CAB39: variants seen among roughly 807,000 people sequenced by gnomAD.
CAB39 encodes the protein calcium binding protein 39, also known as calcium-binding protein 39.
A neutral mutation model predicts 40.0 loss-of-function variants in CAB39; 8 were observed. That is an observed-to-expected ratio of 0.20 (90% CI 0.12 to 0.36). CAB39 has a LOEUF of 0.36. CAB39 is among the 10% of genes least tolerant of loss of function. The pLI is 1.00. For synonymous variants in CAB39, 156 were observed against 141.6 expected (o/e 1.10, Z -0.72); for missense variants, 270 against 401.1 (o/e 0.67, Z 2.79).
intron 1 of CAB39, among the ~76,000 whole-genome samples, chr2:230,752,501 T>G: frequency 6.6e-6 from 1 of 152,230 alleles, no homozygotes; most frequent in Non-Finnish European, 1.5e-5. Context: ...AAATGCCATG[T>G]CTTCACAATG....
At chr2:230,762,814 G>A (rs548471533) in intron 2 of CAB39, among the ~76,000 whole-genome samples, 107 of 152,296 alleles carry the variant, frequency 7.0e-4, no homozygotes, top group African/African-American at 2.4e-3. Context: ...CTGCTCTTTC[G>A]TAGCTTCCGT....
intron 8 of CAB39, 60 bp from the exon 9 acceptor site, chr2:230,818,456 C>T: frequency 7.1e-7 from 1 of 1,411,498 alleles, no homozygotes; most frequent in Admixed American, 1.8e-5. Flanking sequence ...GTGGCCGCAG[C>T]TCAGGTGTGG....
At position 230,820,391 on chromosome 2, in the gene CAB39, A is replaced by G. The variant is rs1031713793; in HGVS notation, c.*1687A>G. The G allele has an allele frequency of 6.6e-6, 1 of 152,218 alleles. No individual in the cohort carries two copies. Among genetic ancestry groups the G allele is most frequent in the Non-Finnish European group, 1.5e-5 (1 of 68,034 alleles). The allele number at this position is 152,218 out of a possible 1,614,324, so 9.4% of individuals were successfully genotyped here. Reference sequence around the variant, plus strand: ...GAAAATATAGATATATTTTATTTTTATTAAAATGGCAGTCTACATCATAAT... The same window carrying G: ...GAAAATATAGATATATTTTATTTTTGTTAAAATGGCAGTCTACATCATAAT... On this transcript the variant is annotated 3_prime_UTR_variant, in exon 9 of 9. Transcript: ENST00000258418.
chr2:230,751,743 A>G (rs560536835), intron 1 of CAB39, among the ~76,000 whole-genome samples: 30 of 152,296 alleles, frequency 2.0e-4, no homozygotes, highest in African/African-American at 6.3e-4. Context: ...GGCCATTTCT[A>G]GTGTCATCTG....
chr2:230,779,961 A>G (rs1695657869), intron 2 of CAB39, among the ~76,000 whole-genome samples: 1 of 152,184 alleles, frequency 6.6e-6, no homozygotes, highest in African/African-American at 2.4e-5. Flanking sequence ...TGACAGGGCA[A>G]AAGAGAATTG....
At chr2:230,817,713 T>A (rs1559621259) in intron 7 of CAB39, 41 bp from the exon 8 acceptor site, 1 of 1,485,784 alleles carries the variant, frequency 6.7e-7, no homozygotes, top group Non-Finnish European at 9.1e-7. Flanking sequence ...GATTTTTCTT[T>A]AAGTTTTAAT....
intron 1 of CAB39, among the ~76,000 whole-genome samples, chr2:230,739,671 T>G (rs1472554620): frequency 6.6e-6 from 1 of 152,216 alleles, no homozygotes; most frequent in Non-Finnish European, 1.5e-5. Context: ...ATTTTGTATT[T>G]TTAGTAGAGA....
At chr2:230,753,950 A>G (rs766430310) in intron 1 of CAB39, among the ~76,000 whole-genome samples, 12 of 152,124 alleles carry the variant, frequency 7.9e-5, no homozygotes, top group Non-Finnish European at 1.8e-4. Flanking sequence ...AACAGTGAAA[A>G]CCCACACACC....
At chr2:230,757,386 C>T (rs928377829) in intron 1 of CAB39, among the ~76,000 whole-genome samples, 19 of 152,218 alleles carry the variant, frequency 1.2e-4, no homozygotes, top group African/African-American at 4.6e-4. Context: ...CGTGAGCTGC[C>T]TCACCTGGCC....
intron 1 of CAB39, among the ~76,000 whole-genome samples, chr2:230,719,489 A>G (rs993227820): frequency 6.6e-6 from 1 of 152,252 alleles, no homozygotes; most frequent in Non-Finnish European, 1.5e-5. Context: ...CCACATTACA[A>G]TCTAAAAGAG....
intron 1 of CAB39, among the ~76,000 whole-genome samples, chr2:230,746,734 G>A (rs1199446956): frequency 6.6e-6 from 1 of 152,084 alleles, no homozygotes; most frequent in East Asian, 1.9e-4. Flanking sequence ...GGTTTCAGGT[G>A]AAAATTTTCT....
chr2:230,790,808 T>C lies in CAB39; in HGVS notation c.115-64T>C, dbSNP rs1695880182. The C allele has an allele frequency of 2.9e-6, 4 of 1,360,518 alleles. No individual in the cohort carries two copies. The South Asian group carries it at 5.3e-5, about 18-fold the overall frequency. 84.3% of individuals were successfully genotyped at this position (1,360,518 alleles called of 1,614,324 possible). On this transcript the variant is annotated intron_variant, in intron 2 of 8. Transcript: ENST00000258418. ...AGAGGTGATTTGACAAATTTTGACG[T>C]GTTATATGTTTGTTAAAATGAATTG...
At chr2:230,767,683 C>G (rs1695412070) in intron 2 of CAB39, among the ~76,000 whole-genome samples, 1 of 152,174 alleles carries the variant, frequency 6.6e-6, no homozygotes, top group Non-Finnish European at 1.5e-5. Context: ...TATTTACTGT[C>G]TATTCCTTTA....
intron 1 of CAB39, among the ~76,000 whole-genome samples, chr2:230,714,501 A>T (rs1422086378): frequency 6.6e-6 from 1 of 152,246 alleles, no homozygotes; most frequent in Admixed American, 6.5e-5. Context: ...ATCTGCACAC[A>T]GAAGGTGTTT....
chr2:230,713,749 A>C (rs1310602614), intron 1 of CAB39: 1 of 152,326 alleles, frequency 6.6e-6, no homozygotes, highest in Non-Finnish European at 1.5e-5. Flanking sequence ...GAACCACCCC[A>C]AGCGCAGACT....
chr2:230,718,323 T>A (rs1694388691), intron 1 of CAB39, among the ~76,000 whole-genome samples: 1 of 152,252 alleles, frequency 6.6e-6, no homozygotes, highest in Non-Finnish European at 1.5e-5. Context: ...GTGTACTGAC[T>A]ATTAACATGC....
At chr2:230,803,342 G>A (rs931023899) in intron 5 of CAB39, among the ~76,000 whole-genome samples, 26 of 152,182 alleles carry the variant, frequency 1.7e-4, no homozygotes, top group Non-Finnish European at 3.1e-4. Flanking sequence ...TTGAAAAGTT[G>A]CACAAGACAG....
chr2:230,759,884 C>T, intron 1 of CAB39, 75 bp from the exon 2 acceptor site: 1 of 557,400 alleles, frequency 1.8e-6, no homozygotes, highest in Non-Finnish European at 3.3e-6. Flanking sequence ...GGTTTTCTTC[C>T]CAGATTAGGA....
In CAB39 at chr2:230,757,677, A is replaced by G. The variant is rs190820672; in HGVS notation, c.-43-2282A>G. On this transcript the variant is annotated intron_variant, in intron 1 of 8. Transcript: ENST00000258418. The stretch of plus-strand genomic sequence containing the variant: ...GCATAGCACCGTAACACTTCCTGCA[A>G]AATACCATTAAACATTCCCACCCTC... Among the ~76,000 whole-genome samples the G allele has an allele frequency of 1.5e-3, 224 of 152,300 alleles. 2 individuals carry two copies. Among genetic ancestry groups the G allele is most frequent in the African/African-American group, 5.2e-3 (217 of 41,552 alleles).
Sources: gnomAD v4.1 joint callset for allele counts (sites outside exome capture counted in the v4.1 genomes callset) on GRCh38, gnomAD v4.1.1 for gene constraint, MANE v1.5 for transcripts, NCBI Gene and HGNC (gene_info 2026-07-23, HGNC 2026-07-21) for gene names.